ANXA11: variants seen among roughly 807,000 people sequenced by gnomAD.
ANXA11 encodes 56 kDa autoantigen.
Under a neutral mutation model 64.7 loss-of-function variants are expected in ANXA11, and 57 were observed. The ratio of observed to expected loss-of-function variants is 0.88; its 90% CI spans 0.71 to 1.10. The LOEUF is 1.10. Among genes scored for constraint, ANXA11 ranks in the 50% least tolerant of loss-of-function variants. ANXA11 has a pLI of 0.00. For missense variants in ANXA11, 675 were observed against 670.7 expected, an observed-to-expected ratio of 1.01 and a Z score of -0.07; for synonymous variants, 260 against 265.2, an observed-to-expected ratio of 0.98 and a Z score of 0.19.
intron 3 of ANXA11, chr10:80,171,129 G>C: frequency 6.8e-7 from 1 of 1,469,466 alleles, no homozygotes; most frequent in Non-Finnish European, 9.0e-7. Context: ...TTCCCAGGGA[G>C]GAAGGTGGAG....
chr10:80,166,968 G>T lies in ANXA11; in HGVS notation c.666C>A (p.Ala222=). 2 of 1,603,550 alleles carry T rather than the reference G, an allele frequency of 1.2e-6. No homozygotes were observed. Among genetic ancestry groups the T allele is most frequent in the East Asian group, 2.3e-5 (1 of 44,320 alleles). The part of the protein sequence containing the change: ...AMKGFGTDEQ[A]IIDCLGSRSN... ...AGCGACTCCCCAGGCAGTCAATGATGGCCTGCTCATCCGTCCCTGGAGGAA... is the reference window on the plus strand; with the variant it reads ...AGCGACTCCCCAGGCAGTCAATGATTGCCTGCTCATCCGTCCCTGGAGGAA... The change falls in exon 7 of 16, where the codon GCC becomes GCA. Residue 222 remains alanine, a synonymous_variant. Coordinates refer to ENST00000422982, the MANE Select transcript of ANXA11 (RefSeq NM_145868.2).
In ANXA11 at chr10:80,155,880, C is replaced by T. The variant is rs1175162375; in HGVS notation, c.1491G>A (p.Leu497=). 1 of 1,614,114 alleles carries T rather than the reference C, an allele frequency of 6.2e-7. No individual in the cohort carries two copies. The highest frequency in any genetic ancestry group is 1.3e-5 in the African/African-American group (1 of 74,936). The change falls in exon 16 of 16, where the codon CTG becomes CTA. Residue 497 remains leucine (L), a synonymous_variant. Coordinates refer to ENST00000422982, the MANE Select transcript of ANXA11 (RefSeq NM_145868.2). ...AGTCATTGCCACCACAGATCTTCAG[C>T]AGAATCTTCCGGTAATCCCCTGAAG... The part of the protein sequence containing the change: ...GDTSGDYRKI[L]LKICGGND
In ANXA11 at chr10:80,166,040, G is replaced by GCACACACACA. The variant is rs753895566; in HGVS notation, c.858+43_858+44insTGTGTGTGTG. The stretch of plus-strand genomic sequence containing the variant: ...CGCATGCGCGCGTGCGCACACACGC[G>GCACACACACA]CGCACACACACACACACACACACAC... On this transcript the variant is annotated intron_variant, in intron 8 of 15. Coordinates refer to ENST00000422982, the MANE Select transcript of ANXA11 (RefSeq NM_145868.2). 545 of 1,077,520 alleles carry GCACACACACA rather than the reference G, an allele frequency of 5.1e-4. 3 individuals are homozygous for GCACACACACA. In the African/African-American group the frequency reaches 7.1e-3, roughly 14 times the overall value. The allele number at this position is 1,077,520 out of a possible 1,614,324, so 66.7% of individuals were successfully genotyped here. A position where few individuals can be genotyped will look rare whatever the true frequency, so the allele number is the denominator to read the frequency against.
chr10:80,196,405 A>G (rs1436266645), intron 1 of ANXA11, among the ~76,000 whole-genome samples: 1 of 152,178 alleles, frequency 6.6e-6, no homozygotes, highest in Non-Finnish European at 1.5e-5. Context: ...GAATACTGGC[A>G]GGAACCCCGG....
intron 1 of ANXA11, among the ~76,000 whole-genome samples, chr10:80,183,760 T>G (rs1474334124): frequency 3.9e-5 from 6 of 152,188 alleles, no homozygotes; most frequent in Non-Finnish European, 8.8e-5. Flanking sequence ...GCAATAAGCA[T>G]GCTTTAAACA....
In ANXA11 at chr10:80,154,519, A is replaced by G. The variant is rs1845217231; in HGVS notation, c.*1334T>C. On this transcript the variant is annotated 3_prime_UTR_variant, in exon 16 of 16. Coordinates refer to ENST00000422982, the MANE Select transcript of ANXA11 (RefSeq NM_145868.2). ...TCCTTGGATTACAGGCGTGAGCCAT[A>G]GTGCCTAGTCGATTCTCTCTTTTCT... 2 of 152,272 alleles carry G rather than the reference A, an allele frequency of 1.3e-5. No homozygotes were observed. Among genetic ancestry groups the G allele is most frequent in the Admixed American group, 1.3e-4 (2 of 15,288 alleles). The allele number at this position is 152,272 out of a possible 1,614,324, so 9.4% of individuals were successfully genotyped here.
At chr10:80,180,844 AGGCTCTACCCTCAC>A (rs545802471) in intron 1 of ANXA11, 21 of 152,194 alleles carry the variant, frequency 1.4e-4, no homozygotes, top group Non-Finnish European at 3.1e-4. Flanking sequence ...TACTTTTAAG[AGGCTCTACCCTCAC>A]GAATGGATTA....
In ANXA11 at chr10:80,205,473, GCGGGGCACT is replaced by G. The variant is rs1840635745; in HGVS notation, c.-197_-189del. ...GGTCCCACTCCCGCTCGCGGGGCCC[GCGGGGCACT>G]CGGGGCACTGGGGAGCCGCGGGCGC... is the stretch of plus-strand genomic sequence containing the variant. On this transcript the variant is annotated 5_prime_UTR_variant, in exon 1 of 16. Transcript: ENST00000422982. 1.3e-5 allele frequency: 2 copies of G among 151,958 alleles called. No homozygotes were observed. Among genetic ancestry groups the G allele is most frequent in the Non-Finnish European group, 2.9e-5 (2 of 67,978 alleles). 9.4% of individuals were successfully genotyped at this position (151,958 alleles called of 1,614,324 possible). A position where few individuals can be genotyped will look rare whatever the true frequency, so the allele number is the denominator to read the frequency against.
chr10:80,187,567 ACACT>A (rs67093340), intron 1 of ANXA11, among the ~76,000 whole-genome samples: 18,214 of 149,032 alleles, frequency 0.12, 1,178 homozygotes, highest in South Asian at 0.23. Context: ...ACACACACAC[ACACT>A]CTCTCTCTCT....
intron 1 of ANXA11, among the ~76,000 whole-genome samples, chr10:80,198,887 G>A (rs1183232664): frequency 6.6e-6 from 1 of 152,162 alleles, no homozygotes; most frequent in East Asian, 1.9e-4. Context: ...ATGCATGCAA[G>A]TATAATAAGT....
At chr10:80,170,995 G>A (rs1416593203) in intron 3 of ANXA11, 80 bp from the exon 4 acceptor site, 1 of 1,518,908 alleles carries the variant, frequency 6.6e-7, no homozygotes, top group Non-Finnish European at 8.8e-7. Context: ...GCTCCCAGGT[G>A]GTCAGAAAGG....
intron 2 of ANXA11, 123 bp from the exon 3 acceptor site, chr10:80,172,992 T>G (rs572592945): frequency 2.5e-6 from 2 of 793,480 alleles, no homozygotes; most frequent in East Asian, 2.5e-5. Flanking sequence ...AACTGCTGCA[T>G]CTGCCCTGCT....
chr10:80,180,020 A>T (rs1564618270), intron 1 of ANXA11, among the ~76,000 whole-genome samples: 1 of 152,156 alleles, frequency 6.6e-6, no homozygotes, highest in Admixed American at 6.5e-5. Context: ...AAAAGCATAG[A>T]GCAGCTATCT....
At chr10:80,179,848 C>T (rs1354632502) in intron 1 of ANXA11, among the ~76,000 whole-genome samples, 1 of 152,138 alleles carries the variant, frequency 6.6e-6, no homozygotes, top group Non-Finnish European at 1.5e-5. Flanking sequence ...GCCACTGGAC[C>T]GCCCCATATG....
intron 11 of ANXA11, 74 bp downstream of exon 11, chr10:80,163,275 A>C (rs1045477376): frequency 6.5e-7 from 1 of 1,544,956 alleles, no homozygotes; most frequent in Admixed American, 1.7e-5. Flanking sequence ...ACCCTAGGGT[A>C]CCTCTCTCAG....
chr10:80,177,860 G>T (rs145773717), intron 1 of ANXA11, among the ~76,000 whole-genome samples: 2 of 152,116 alleles, frequency 1.3e-5, no homozygotes, highest in Admixed American at 1.3e-4. Context: ...GTGGACACAG[G>T]CTCCCAGCGC....
intron 1 of ANXA11, among the ~76,000 whole-genome samples, chr10:80,188,480 C>CATATATATATATATATATATAT (rs71034291): frequency 5.0e-5 from 5 of 100,592 alleles, no homozygotes; most frequent in African/African-American, 7.6e-5. Flanking sequence ...AGTATTCTCA[C>CATATATATATATATATATATAT]ATATATATAT....
chr10:80,170,889 A>AG lies in ANXA11; in HGVS notation c.81dup (p.Tyr28LeufsTer14). On this transcript the variant is annotated frameshift_variant, in exon 4 of 16. Transcript: ENST00000422982. LOFTEE classifies it high-confidence loss of function. ...GGGGGCATGCTGGGCGGAGGAGGGT[A>AG]GGCAGCACCTCCCCAGGGACCACCA... The AG allele has an allele frequency of 1.3e-6, 2 of 1,577,130 alleles. No homozygotes were observed. Among genetic ancestry groups the AG allele is most frequent in the South Asian group, 2.3e-5 (2 of 85,360 alleles).
In ANXA11 at chr10:80,151,903, C is replaced by CTTTA. The variant is rs1311297904; in HGVS notation, c.*3946_*3949dup. The CTTTA allele has an allele frequency of 6.6e-6, 1 of 152,208 alleles. No homozygotes were observed. The highest frequency in any genetic ancestry group is 1.9e-4 in the East Asian group (1 of 5,192). The allele number at this position is 152,208 out of a possible 1,614,324, so 9.4% of individuals were successfully genotyped here. A position where few individuals can be genotyped will look rare whatever the true frequency, so the allele number is the denominator to read the frequency against. On this transcript the variant is annotated 3_prime_UTR_variant, in exon 16 of 16. Coordinates refer to ENST00000422982, the MANE Select transcript of ANXA11 (RefSeq NM_145868.2). ...TGAGGGTCTGACCGCAGGAACTGCT[C>CTTTA]TTTAGCAAGCTCCCCTGATGATCCT... is the stretch of plus-strand genomic sequence containing the variant.
Sources: allele counts gnomAD v4.1 joint callset (sites outside exome capture counted in the v4.1 genomes callset), GRCh38; gene constraint gnomAD v4.1.1; transcripts MANE v1.5; gene names NCBI Gene and HGNC (gene_info 2026-07-23, HGNC 2026-07-21).